Variants in GRID2 observed in about 807,000 individuals in gnomAD.
GRID2 encodes glutamate receptor ionotropic, delta-2.
A neutral mutation model predicts 114.8 loss-of-function variants in GRID2; 33 were observed. The ratio of observed to expected loss-of-function variants is 0.29; its 90% CI spans 0.22 to 0.38. GRID2 has a LOEUF of 0.38. Among genes scored for constraint, GRID2 ranks in the 10% least tolerant of loss-of-function variants. The pLI, the probability that GRID2 is intolerant of heterozygous loss-of-function variation, is 1.00. For missense variants in GRID2, 1,184 were observed against 1,257.7 expected (o/e 0.94, Z 0.89); for synonymous variants, 505 against 449.9 (o/e 1.12, Z -1.55).
At chr4:92,829,724 C>T (rs1741969784) in intron 2 of GRID2, among the ~76,000 whole-genome samples, 1 of 152,098 alleles carries the variant, frequency 6.6e-6, no homozygotes, top group Non-Finnish European at 1.5e-5. Context: ...AAATGTGGCA[C>T]ATATACACCA....
At chr4:93,461,667 G>C (rs1316079927) in intron 11 of GRID2, among the ~76,000 whole-genome samples, 1 of 152,122 alleles carries the variant, frequency 6.6e-6, no homozygotes, top group East Asian at 1.9e-4. Context: ...GAATCCAACT[G>C]TGCAAAAGCA....
chr4:93,733,584 A>T (rs1042556688), intron 14 of GRID2, among the ~76,000 whole-genome samples: 1 of 152,100 alleles, frequency 6.6e-6, no homozygotes, highest in Non-Finnish European at 1.5e-5. Context: ...CTGTCTGTCT[A>T]CCTACCTACC....
chr4:93,177,032 A>G (rs1247248772), intron 4 of GRID2, among the ~76,000 whole-genome samples: 2 of 152,148 alleles, frequency 1.3e-5, no homozygotes, highest in Non-Finnish European at 2.9e-5. Flanking sequence ...GCAGAAAAAA[A>G]TTTGCTGCGT....
intron 2 of GRID2, among the ~76,000 whole-genome samples, chr4:92,941,319 T>A (rs1578544367): frequency 6.6e-6 from 1 of 152,176 alleles, no homozygotes; most frequent in Non-Finnish European, 1.5e-5. Context: ...GTCAAGGAAT[T>A]TATCCATTTC....
chr4:93,235,287 T>A (rs1443684206), intron 7 of GRID2, among the ~76,000 whole-genome samples: 1 of 152,174 alleles, frequency 6.6e-6, no homozygotes, highest in Non-Finnish European at 1.5e-5. Context: ...CAATTTTTAC[T>A]GCCAATTTAA....
chr4:93,089,484 G>A (rs538702550), intron 3 of GRID2, among the ~76,000 whole-genome samples: 12 of 152,162 alleles, frequency 7.9e-5, no homozygotes, highest in Admixed American at 2.0e-4. Flanking sequence ...TTTTTTTGTC[G>A]GATTAATGCT....
chr4:93,273,469 C>G (rs202102321), intron 8 of GRID2, among the ~76,000 whole-genome samples: 10 of 71,210 alleles, frequency 1.4e-4, no homozygotes, highest in Admixed American at 9.8e-4. Context: ...ATCCCCCCCC[C>G]CAAAAAATAT....
intron 9 of GRID2, among the ~76,000 whole-genome samples, chr4:93,417,547 G>C (rs1349120213): frequency 1.3e-5 from 2 of 151,954 alleles, no homozygotes; most frequent in Admixed American, 6.6e-5. Flanking sequence ...CACCTCCCCA[G>C]TGCATCTTTC....
At chr4:93,005,147 A>G (rs1316145153) in intron 2 of GRID2, among the ~76,000 whole-genome samples, 1 of 152,074 alleles carries the variant, frequency 6.6e-6, no homozygotes, top group Admixed American at 6.6e-5. Flanking sequence ...GACAGAATAG[A>G]CAGTTTCAAA....
intron 2 of GRID2, among the ~76,000 whole-genome samples, chr4:92,939,123 C>A (rs569251628): frequency 1.4e-5 from 2 of 147,388 alleles, no homozygotes; most frequent in East Asian, 2.2e-4. Flanking sequence ...AGTTCTAGAT[C>A]CATGAGGAAC....
In GRID2 at chr4:93,270,217, C is replaced by CAT. The variant is rs1217947347; in HGVS notation, c.1245+31728_1245+31729insTA. On this transcript the variant is annotated intron_variant, in intron 8 of 15. Transcript: ENST00000282020. The stretch of plus-strand genomic sequence containing the variant: ...AATCTCTCTCTCTCACACACACATA[C>CAT]ACACACACACACACACACACACACA... Among the ~76,000 whole-genome samples, 301 of 22,056 alleles carry CAT rather than the reference C, an allele frequency of 0.014. No homozygotes were observed. In the African/African-American group the frequency reaches 0.17, roughly 12 times the overall value. The allele number at this position is 22,056 out of a possible 152,430, so 14.5% of individuals were successfully genotyped here.
chr4:93,620,025 T>G (rs1742069072), intron 13 of GRID2, among the ~76,000 whole-genome samples: 1 of 152,212 alleles, frequency 6.6e-6, no homozygotes, highest in Admixed American at 6.5e-5. Flanking sequence ...ACATTCCAAA[T>G]CTACCGCAAA....
At chr4:93,072,689 C>G (rs1728915081) in intron 2 of GRID2, among the ~76,000 whole-genome samples, 1 of 151,482 alleles carries the variant, frequency 6.6e-6, no homozygotes, top group African/African-American at 2.4e-5. Context: ...ATGGTATAGC[C>G]TAGAAATATT....
At chr4:92,516,808 C>T (rs1294964534) in intron 1 of GRID2, among the ~76,000 whole-genome samples, 2 of 151,906 alleles carry the variant, frequency 1.3e-5, no homozygotes, top group African/African-American at 4.8e-5. Flanking sequence ...TCGACACTCT[C>T]ATCTTCTTTA....
At chr4:93,741,176 T>TATATATAC (rs1560963481) in intron 14 of GRID2, among the ~76,000 whole-genome samples, 1 of 23,422 alleles carries the variant, frequency 4.3e-5, no homozygotes, top group Non-Finnish European at 8.3e-5. Flanking sequence ...TATATATACA[T>TATATATAC]ATATATATAT....
At chr4:93,409,078 C>T (rs181081256) in intron 9 of GRID2, among the ~76,000 whole-genome samples, 2 of 152,226 alleles carry the variant, frequency 1.3e-5, no homozygotes, top group African/African-American at 4.8e-5. Context: ...AGGGAAGAGA[C>T]TCTTTGCTCT....
At chr4:92,648,909 TATG>T (rs1349072556) in intron 2 of GRID2, among the ~76,000 whole-genome samples, 5 of 145,018 alleles carry the variant, frequency 3.4e-5, no homozygotes, top group South Asian at 4.4e-4. Flanking sequence ...GATACATAAA[TATG>T]ATAAATATAT....
At chr4:92,586,219 A>C (rs1728432012) in intron 1 of GRID2, among the ~76,000 whole-genome samples, 1 of 151,978 alleles carries the variant, frequency 6.6e-6, no homozygotes, top group African/African-American at 2.4e-5. Flanking sequence ...AAATCTTCGA[A>C]TGTTTGGAGA....
chr4:92,454,125 A>G lies in GRID2; in HGVS notation c.89-136006A>G, dbSNP rs931796025. Among the ~76,000 whole-genome samples, 5 of 152,160 alleles carry G rather than the reference A, an allele frequency of 3.3e-5. No individual in the cohort carries two copies. The East Asian group carries it at 5.8e-4, about 18-fold the overall frequency. ...AGAGAAATATAAATAATAATGACAC[A>G]TTGTTTTCTCTGCTATTACTTACAA... is the stretch of plus-strand genomic sequence containing the variant. On this transcript the variant is annotated intron_variant, in intron 1 of 15. Coordinates refer to ENST00000282020, the MANE Select transcript of GRID2 (RefSeq NM_001510.4).
Sources: allele counts gnomAD v4.1 joint callset (sites outside exome capture counted in the v4.1 genomes callset), GRCh38; gene constraint gnomAD v4.1.1; transcripts MANE v1.5; gene names NCBI Gene and HGNC (gene_info 2026-07-23, HGNC 2026-07-21).